EML5: variants seen among roughly 807,000 people sequenced by gnomAD.
EML5 encodes EMAP like 5, also known as echinoderm microtubule-associated protein-like 5.
In EML5, 120 loss-of-function variants were observed where a neutral mutation model predicts 250.0. That is an observed-to-expected ratio of 0.48 (90% CI 0.41 to 0.56). EML5 has a LOEUF of 0.56. EML5 is among the 20% of genes least tolerant of loss of function. EML5 has a pLI of 0.00. For synonymous variants in EML5, 771 were observed against 806.5 expected (o/e 0.96, Z 0.75); for missense variants, 2,006 against 2,437.6 (o/e 0.82, Z 3.73).
At chr14:88,627,395 G>A (rs1166819742) in intron 34 of EML5, 7 of 483,476 alleles carry the variant, frequency 1.4e-5, no homozygotes, top group East Asian at 1.4e-4. Context: ...GTTTCTTGCT[G>A]GAAGAAAATA....
intron 22 of EML5, 91 bp from the exon 23 acceptor site, chr14:88,664,715 G>A (rs2092254665): frequency 1.6e-6 from 2 of 1,284,472 alleles, no homozygotes; most frequent in African/African-American, 1.5e-5. Context: ...TTTTCTTTAT[G>A]GAGAAATCTT....
intron 35 of EML5, chr14:88,625,957 C>A (rs920939727): frequency 2.6e-5 from 4 of 152,094 alleles, no homozygotes; most frequent in African/African-American, 9.7e-5. Context: ...GATTGGAAGC[C>A]ACAGGTCCAG....
chr14:88,716,554 T>C (rs1426925197), intron 8 of EML5, among the ~76,000 whole-genome samples: 1 of 152,226 alleles, frequency 6.6e-6, no homozygotes, highest in African/African-American at 2.4e-5. Flanking sequence ...ATGCCTCCTT[T>C]ATTTAAAATT....
chr14:88,660,288 A>G (rs1020695032), intron 25 of EML5, among the ~76,000 whole-genome samples: 30 of 151,898 alleles, frequency 2.0e-4, no homozygotes, highest in Admixed American at 5.3e-4. Context: ...GTCTTAAAAA[A>G]AAAAAAAAAA....
chr14:88,661,949 G>GA, intron 24 of EML5, 119 bp from the exon 25 acceptor site: 1 of 919,954 alleles, frequency 1.1e-6, no homozygotes, highest in Non-Finnish European at 1.6e-6. Flanking sequence ...AAGTTTTAAT[G>GA]AAAAAATAGT....
intron 21 of EML5, among the ~76,000 whole-genome samples, chr14:88,679,300 T>C (rs1046457533): frequency 3.3e-5 from 5 of 151,686 alleles, no homozygotes; most frequent in African/African-American, 7.3e-5. Flanking sequence ...ACAAATACAA[T>C]AGTAATGAAT....
At chr14:88,748,225 A>T (rs2094036981) in intron 2 of EML5, among the ~76,000 whole-genome samples, 1 of 152,186 alleles carries the variant, frequency 6.6e-6, no homozygotes, top group Admixed American at 6.6e-5. Context: ...CATGCATAGG[A>T]TGAACTCTAT....
At chr14:88,725,811 T>G (rs1250343045) in intron 8 of EML5, among the ~76,000 whole-genome samples, 1 of 152,062 alleles carries the variant, frequency 6.6e-6, no homozygotes, top group Non-Finnish European at 1.5e-5. Flanking sequence ...ATGGTGAGAA[T>G]AGAAGGAAGG....
At chr14:88,681,802 A>G in intron 21 of EML5, 88 bp downstream of exon 21, 1 of 1,377,936 alleles carries the variant, frequency 7.3e-7, no homozygotes, top group Non-Finnish European at 9.6e-7. Flanking sequence ...AAGCCTTTTT[A>G]AAATGTGCCT....
At chr14:88,715,560 C>T (rs1323992163) in intron 8 of EML5, among the ~76,000 whole-genome samples, 1 of 151,680 alleles carries the variant, frequency 6.6e-6, no homozygotes, top group Non-Finnish European at 1.5e-5. Context: ...AATTTAAACA[C>T]TATAATTTTC....
At chr14:88,645,100 C>A (rs1344378938) in intron 29 of EML5, among the ~76,000 whole-genome samples, 1 of 152,050 alleles carries the variant, frequency 6.6e-6, no homozygotes, top group African/African-American at 2.4e-5. Flanking sequence ...ATTCTCGCCT[C>A]ACTGCAACTC....
At chr14:88,704,356 G>A (rs915119210) in intron 13 of EML5, among the ~76,000 whole-genome samples, 1 of 152,144 alleles carries the variant, frequency 6.6e-6, no homozygotes, top group Non-Finnish European at 1.5e-5. Flanking sequence ...ACCAGAAGCT[G>A]AGCAGATGCT....
chr14:88,628,919 A>G (rs2090235892), intron 33 of EML5, among the ~76,000 whole-genome samples: 2 of 152,172 alleles, frequency 1.3e-5, no homozygotes, highest in Admixed American at 6.5e-5. Context: ...GGAAACATAC[A>G]TAAAAGTTTA....
intron 40 of EML5, 158 bp from the exon 41 acceptor site, chr14:88,618,489 C>T: frequency 9.2e-7 from 1 of 1,090,282 alleles, no homozygotes; most frequent in East Asian, 2.6e-5. Flanking sequence ...GAGAAAAGCT[C>T]TGATAAGTGG....
intron 20 of EML5, 123 bp downstream of exon 20, chr14:88,684,892 A>T: frequency 2.3e-6 from 2 of 876,120 alleles, no homozygotes; most frequent in African/African-American, 1.7e-5. Context: ...TTTTTTCTGT[A>T]TACATTAACA....
At chr14:88,743,009 G>A (rs1307385981) in intron 4 of EML5, among the ~76,000 whole-genome samples, 2 of 152,058 alleles carry the variant, frequency 1.3e-5, no homozygotes, top group Admixed American at 6.5e-5. Context: ...TGATTTAAAA[G>A]TAACTATAAA....
At chr14:88,696,325 G>C (rs996773230) in intron 15 of EML5, among the ~76,000 whole-genome samples, 1 of 151,992 alleles carries the variant, frequency 6.6e-6, no homozygotes, top group African/African-American at 2.4e-5. Context: ...TTTCACCGTA[G>C]ATCTATCTGT....
intron 3 of EML5, 94 bp downstream of exon 3, chr14:88,746,091 G>A: frequency 1.1e-6 from 1 of 943,618 alleles, no homozygotes; most frequent in Non-Finnish European, 1.6e-6. Flanking sequence ...GACCTATCTG[G>A]CAATAACAAA....
chr14:88,693,452 C>A (rs1443872280), intron 17 of EML5, among the ~76,000 whole-genome samples: 3 of 152,180 alleles, frequency 2.0e-5, no homozygotes, highest in Middle Eastern at 3.2e-3. Flanking sequence ...GACGTATTCA[C>A]TTCCACAAGA....
Sources: allele counts gnomAD v4.1 joint callset (sites outside exome capture counted in the v4.1 genomes callset), GRCh38; gene constraint gnomAD v4.1.1; transcripts MANE v1.5; gene names NCBI Gene and HGNC (gene_info 2026-07-23, HGNC 2026-07-21).